Variants in WDR27 observed in about 807,000 individuals in gnomAD.
The protein encoded by WDR27 is WD repeat-containing protein 27.
WDR27 carries 100 observed loss-of-function variants against 114.4 expected under a neutral mutation model. The observed-to-expected ratio is 0.87, with a 90% confidence interval of 0.74 to 1.03. WDR27 has a LOEUF of 1.03. WDR27 is among the 50% of genes least tolerant of loss of function. WDR27 has a pLI of 0.00. For missense variants in WDR27, 1,129 were observed against 1,092.9 expected, an observed-to-expected ratio of 1.03 and a Z score of -0.47; for synonymous variants, 449 against 423.1, an observed-to-expected ratio of 1.06 and a Z score of -0.75.
intron 25 of WDR27, among the ~76,000 whole-genome samples, chr6:169,549,096 T>C (rs11969488): frequency 6.6e-6 from 1 of 152,082 alleles, no homozygotes; most frequent in Non-Finnish European, 1.5e-5. Flanking sequence ...ATGGATAATG[T>C]CAAGTGAATG....
At chr6:169,645,009 AAAAAAAAAAAAAAT>A (rs1490375121) in intron 16 of WDR27, among the ~76,000 whole-genome samples, 1 of 56,524 alleles carries the variant, frequency 1.8e-5, no homozygotes, top group African/African-American at 1.7e-4. Context: ...ACTCCGTCTC[AAAAAAAAAAAAAAT>A]AAAAAAAAAA....
rs1431635401 is a variant in WDR27, at chr6:169,547,069, T to C, written c.2645+25350A>G. On this transcript the variant is annotated intron_variant, in intron 25 of 25. Transcript: ENST00000448612. ...ATAAACAACTTTATGCCCATAAATA[T>C]GATAACCTAAACAAAATGGACCAAT... is the stretch of plus-strand genomic sequence containing the variant. Among the ~76,000 whole-genome samples, 4 of 152,146 alleles carry C rather than the reference T, an allele frequency of 2.6e-5. No individual in the cohort carries two copies. The East Asian group carries it at 7.7e-4, about 29-fold the overall frequency.
intron 25 of WDR27, among the ~76,000 whole-genome samples, chr6:169,525,827 G>A (rs148277074): frequency 4.0e-3 from 610 of 152,244 alleles, no homozygotes; most frequent in African/African-American, 0.014. Flanking sequence ...CCAAAATATA[G>A]AATCAATGTA....
chr6:169,587,220 T>C (rs866985726), intron 23 of WDR27, among the ~76,000 whole-genome samples: 54 of 132,876 alleles, frequency 4.1e-4, no homozygotes, highest in East Asian at 1.6e-3. Context: ...TTTTCTTTTT[T>C]TTTTTTTTTT....
At chr6:169,624,232 G>C (rs900958632) in intron 21 of WDR27, among the ~76,000 whole-genome samples, 1 of 151,852 alleles carries the variant, frequency 6.6e-6, no homozygotes, top group Non-Finnish European at 1.5e-5. Context: ...TGCGCATCAG[G>C]TGTGCCATGT....
rs185441512 is a variant in WDR27, at chr6:169,649,799, C to T, written c.1482-524G>A. Among the ~76,000 whole-genome samples, 506 of 151,228 alleles carry T rather than the reference C, an allele frequency of 3.3e-3. 3 individuals carry two copies. The highest frequency in any genetic ancestry group is 4.4e-3 in the Non-Finnish European group (295 of 67,732). Reference sequence around the variant, plus strand: ...ATCCACGCACACATCCATCTCTCATCTCTCGCCATCCATCCCTCACACATC... The same window carrying T: ...ATCCACGCACACATCCATCTCTCATTTCTCGCCATCCATCCCTCACACATC... On this transcript the variant is annotated intron_variant, in intron 14 of 25. Coordinates refer to ENST00000448612, the MANE Select transcript of WDR27 (RefSeq NM_182552.5).
At chr6:169,660,522 G>A (rs918208764) in intron 10 of WDR27, 141 bp downstream of exon 10, 16 of 713,368 alleles carry the variant, frequency 2.2e-5, no homozygotes, top group South Asian at 6.7e-5. Context: ...AGGTGCTCAC[G>A]TGCTCAATGC....
At chr6:169,523,502 G>A (rs1375917095) in intron 25 of WDR27, among the ~76,000 whole-genome samples, 2 of 151,954 alleles carry the variant, frequency 1.3e-5, no homozygotes, top group African/African-American at 4.8e-5. Flanking sequence ...AAAACTACAG[G>A]CTAATATCCA....
chr6:169,489,319 T>C (rs1789404749), intron 25 of WDR27, among the ~76,000 whole-genome samples: 1 of 152,136 alleles, frequency 6.6e-6, no homozygotes, highest in Non-Finnish European at 1.5e-5. Context: ...TGCCAAGATT[T>C]AGTGTGGATT....
chr6:169,574,102 A>G (rs1801876682), intron 24 of WDR27, among the ~76,000 whole-genome samples: 1 of 152,276 alleles, frequency 6.6e-6, no homozygotes, highest in South Asian at 2.1e-4. Context: ...GACAGGGCGC[A>G]TGTGGCGCGC....
chr6:169,451,963 CTACT>C, the WDR27 span, among the ~76,000 whole-genome samples: 3 of 152,062 alleles, frequency 2.0e-5, no homozygotes, highest in Admixed American at 6.5e-5. Flanking sequence ...ATTCTGTGGT[CTACT>C]TATTGTTTCC....
intron 21 of WDR27, among the ~76,000 whole-genome samples, chr6:169,619,939 C>T (rs1049384405): frequency 1.3e-5 from 2 of 152,152 alleles, no homozygotes; most frequent in Non-Finnish European, 2.9e-5. Context: ...CTTTGCAGGG[C>T]CATTTCGACA....
chr6:169,582,784 A>C, intron 24 of WDR27, 52 bp downstream of exon 24: 1 of 1,405,054 alleles, frequency 7.1e-7, no homozygotes, highest in Non-Finnish European at 9.9e-7. Context: ...CAAAAATATA[A>C]TGTAAGACTT....
intron 21 of WDR27, among the ~76,000 whole-genome samples, chr6:169,615,423 T>G (rs533884818): frequency 6.6e-6 from 1 of 152,162 alleles, no homozygotes; most frequent in Non-Finnish European, 1.5e-5. Flanking sequence ...TTCTCTTCTT[T>G]GTGTTCATGA....
intron 25 of WDR27, among the ~76,000 whole-genome samples, chr6:169,545,670 CCT>C (rs1797370048): frequency 6.6e-6 from 1 of 151,886 alleles, no homozygotes; most frequent in African/African-American, 2.4e-5. Context: ...AGAGTGAGAC[CCT>C]GTCTCCAAAA....
intron 23 of WDR27, among the ~76,000 whole-genome samples, chr6:169,596,869 T>C (rs1806897897): frequency 6.6e-6 from 1 of 152,162 alleles, no homozygotes; most frequent in Non-Finnish European, 1.5e-5. Flanking sequence ...TCTAGTCATT[T>C]CTAGTCATTA....
chr6:169,608,957 A>G (rs1001234170), intron 22 of WDR27, among the ~76,000 whole-genome samples: 1 of 152,220 alleles, frequency 6.6e-6, no homozygotes, highest in Non-Finnish European at 1.5e-5. Context: ...GAAACTGGCC[A>G]AAACAAAGGG....
chr6:169,516,614 G>C (rs532806542), intron 25 of WDR27, among the ~76,000 whole-genome samples: 1 of 152,120 alleles, frequency 6.6e-6, no homozygotes, highest in Non-Finnish European at 1.5e-5. Context: ...GCTGACGGGA[G>C]ATGTCCATAG....
At position 169,485,819 on chromosome 6, in the gene WDR27, T is replaced by C. The variant is rs577841582; in HGVS notation, c.2646-28185A>G. ...GTGGGACATATACGCCACAGAACAC[T>C]ATGCAGCCATAAAAAAGAATGAGAT... On this transcript the variant is annotated intron_variant, in intron 25 of 25. Transcript: ENST00000448612. 1.1e-3 allele frequency among the ~76,000 whole-genome samples: 173 copies of C among 152,248 alleles called. No homozygotes were observed. In the Middle Eastern group the frequency reaches 0.02, roughly 18 times the overall value.
Sources: gnomAD v4.1 joint callset for allele counts (sites outside exome capture counted in the v4.1 genomes callset) on GRCh38, gnomAD v4.1.1 for gene constraint, MANE v1.5 for transcripts, NCBI Gene and HGNC (gene_info 2026-07-23, HGNC 2026-07-21) for gene names.